CASD1: variants seen among roughly 807,000 people sequenced by gnomAD.
CASD1 encodes CAS1 domain sialic acid O acetyltransferase 1.
Under a neutral mutation model 100.0 loss-of-function variants are expected in CASD1, and 41 were observed. That is an observed-to-expected ratio of 0.41 (90% CI 0.32 to 0.53). The LOEUF is 0.53. Among genes scored for constraint, CASD1 ranks in the 20% least tolerant of loss-of-function variants. The pLI, the probability that CASD1 is intolerant of heterozygous loss-of-function variation, is 0.25. For missense variants in CASD1, 774 were observed against 948.7 expected (o/e 0.82, Z 2.42); for synonymous variants, 321 against 315.6 (o/e 1.02, Z -0.18).
intron 13 of CASD1, among the ~76,000 whole-genome samples, chr7:94,547,409 G>T (rs183704267): frequency 1.6e-4 from 24 of 151,964 alleles, no homozygotes; most frequent in African/African-American, 5.3e-4. Flanking sequence ...AGTTGTTCAA[G>T]ATCCGTTTTA....
At chr7:94,581,517 G>T in the CASD1 span, among the ~76,000 whole-genome samples, 2 of 151,898 alleles carry the variant, frequency 1.3e-5, no homozygotes, top group South Asian at 2.1e-4. Flanking sequence ...TTCCTGATCC[G>T]CTCTGTCCTC....
intron 1 of CASD1, among the ~76,000 whole-genome samples, chr7:94,516,090 A>G (rs1294095595): frequency 6.6e-6 from 1 of 151,940 alleles, no homozygotes; most frequent in Non-Finnish European, 1.5e-5. Flanking sequence ...ATAATTGGGG[A>G]AAATGAAGAA....
At chr7:94,528,039 T>C in intron 4 of CASD1, 149 bp from the exon 5 acceptor site, 2 of 613,762 alleles carry the variant, frequency 3.3e-6, no homozygotes, top group Admixed American at 6.2e-5. Flanking sequence ...TGTAAGACTC[T>C]TGCCAAATTA....
chr7:94,555,394 C>G (rs569592347), intron 17 of CASD1, 98 bp from the exon 18 acceptor site: 3 of 1,218,648 alleles, frequency 2.5e-6, no homozygotes, highest in Non-Finnish European at 3.4e-6. Context: ...GGAAAGCCTT[C>G]TAATGTTATT....
At chr7:94,577,725 T>A in the CASD1 span, among the ~76,000 whole-genome samples, 16 of 152,212 alleles carry the variant, frequency 1.1e-4, no homozygotes, top group African/African-American at 3.4e-4. Context: ...TCCCAGTTGT[T>A]ATCCACAATT....
At chr7:94,613,365 TTG>T in the CASD1 span, among the ~76,000 whole-genome samples, 1 of 152,194 alleles carries the variant, frequency 6.6e-6, no homozygotes, top group South Asian at 2.1e-4. Flanking sequence ...AATTTAAAAT[TTG>T]TATGAAGTGA....
Position 94,509,948 on chromosome 7 carries a change from C to T in CASD1, c.-137C>T, listed in dbSNP as rs1215773489. ...GCCGCGGCCGCGGGGTCAGGTTCCC[C>T]GGCGGGAGGCGCAGGTGGCGGCCTG... On this transcript the variant is annotated 5_prime_UTR_variant, in exon 1 of 18. Coordinates refer to ENST00000297273, the MANE Select transcript of CASD1 (RefSeq NM_022900.5). The T allele has an allele frequency of 3.3e-6, 4 of 1,194,622 alleles. No individual in the cohort carries two copies. Among genetic ancestry groups the T allele is most frequent in the South Asian group, 4.2e-5 (1 of 23,544 alleles). 74.0% of individuals were successfully genotyped at this position (1,194,622 alleles called of 1,614,324 possible). A position where few individuals can be genotyped will look rare whatever the true frequency, so the allele number is the denominator to read the frequency against.
At chr7:94,604,657 T>C in the CASD1 span, among the ~76,000 whole-genome samples, 7 of 151,450 alleles carry the variant, frequency 4.6e-5, no homozygotes, top group Non-Finnish European at 8.8e-5. Flanking sequence ...TTATAACTAA[T>C]GGTGCTGGAA....
intron 1 of CASD1, among the ~76,000 whole-genome samples, chr7:94,512,767 CA>C (rs1793779204): frequency 6.6e-6 from 1 of 152,164 alleles, no homozygotes; most frequent in African/African-American, 2.4e-5. Context: ...TAATTGGTAA[CA>C]TTTTTTTCTT....
At chr7:94,561,917 C>T (rs1273158426), downstream of CASD1, among the ~76,000 whole-genome samples, 2 of 152,042 alleles carry the variant, frequency 1.3e-5, no homozygotes, top group Admixed American at 6.6e-5. Context: ...TAGCAAAGAC[C>T]GCCTGGACAG....
chr7:94,587,652 C>A, the CASD1 span: 2 of 1,482,560 alleles, frequency 1.3e-6, no homozygotes, highest in South Asian at 1.4e-5. Context: ...ACCAACACAT[C>A]AATATATTGA....
At chr7:94,541,129 C>T (rs2116357223) in intron 10 of CASD1, among the ~76,000 whole-genome samples, 1 of 151,870 alleles carries the variant, frequency 6.6e-6, no homozygotes, top group South Asian at 2.1e-4. Context: ...CTAACATATC[C>T]CTGTTCTTTT....
At chr7:94,603,263 A>T in the CASD1 span, 1 of 1,589,216 alleles carries the variant, frequency 6.3e-7, no homozygotes, top group Non-Finnish European at 8.6e-7. Context: ...TTTTAACTAA[A>T]CTTGCAAAAA....
the CASD1 span, among the ~76,000 whole-genome samples, chr7:94,579,421 A>G: frequency 6.6e-6 from 1 of 152,158 alleles, no homozygotes; most frequent in East Asian, 1.9e-4. Context: ...GCACCCTATT[A>G]ATTGACTGCA....
the CASD1 span, among the ~76,000 whole-genome samples, chr7:94,596,536 C>T: frequency 2.6e-5 from 4 of 152,088 alleles, no homozygotes; most frequent in Non-Finnish European, 4.4e-5. Flanking sequence ...CTGACCTTTT[C>T]CTATGGATTC....
At chr7:94,535,785 C>T (rs917575833) in intron 8 of CASD1, among the ~76,000 whole-genome samples, 4 of 152,262 alleles carry the variant, frequency 2.6e-5, no homozygotes, top group African/African-American at 9.6e-5. Flanking sequence ...GTGCTAATCA[C>T]TGTTAATATA....
chr7:94,593,402 A>G, the CASD1 span, among the ~76,000 whole-genome samples: 3 of 152,018 alleles, frequency 2.0e-5, no homozygotes, highest in African/African-American at 4.8e-5. Context: ...TACCACTCCA[A>G]AAAAATCAAT....
intron 10 of CASD1, among the ~76,000 whole-genome samples, chr7:94,543,733 G>A (rs565909167): frequency 6.6e-6 from 1 of 151,948 alleles, no homozygotes; most frequent in Admixed American, 6.6e-5. Context: ...GTGTAGAAAG[G>A]TGGAATCACA....
the CASD1 span, among the ~76,000 whole-genome samples, chr7:94,607,048 CAGGAAACT>C: frequency 1.3e-5 from 2 of 151,740 alleles, no homozygotes; most frequent in Admixed American, 6.6e-5. Flanking sequence ...ACCTCCCCCT[CAGGAAACT>C]AGAAAAAGAA....
Sources: allele counts gnomAD v4.1 joint callset (sites outside exome capture counted in the v4.1 genomes callset), GRCh38; gene constraint gnomAD v4.1.1; transcripts MANE v1.5; gene names NCBI Gene and HGNC (gene_info 2026-07-23, HGNC 2026-07-21).